The following IFT80 variants were observed in gnomAD, a reference collection of about 807,000 sequenced individuals.
IFT80 encodes the protein intraflagellar transport protein 80 homolog.
IFT80 carries 79 observed loss-of-function variants against 107.9 expected under a neutral mutation model. The ratio of observed to expected loss-of-function variants is 0.73; its 90% CI spans 0.61 to 0.88. The LOEUF is 0.88. IFT80 is among the 40% of genes least tolerant of loss of function. IFT80 has a pLI of 0.00. For missense variants in IFT80, 797 were observed against 914.2 expected (o/e 0.87, Z 1.65); for synonymous variants, 299 against 300.9 (o/e 0.99, Z 0.07).
At chr3:160,364,663 T>A (rs1310424279) in intron 6 of IFT80, among the ~76,000 whole-genome samples, 1 of 152,174 alleles carries the variant, frequency 6.6e-6, no homozygotes, top group Non-Finnish European at 1.5e-5. Flanking sequence ...CATGGAATAC[T>A]ATGCAGCCAT....
chr3:160,290,015 A>G (rs988393106), intron 12 of IFT80, among the ~76,000 whole-genome samples: 1 of 152,148 alleles, frequency 6.6e-6, no homozygotes, highest in African/African-American at 2.4e-5. Context: ...TGAAAACTGG[A>G]GAGTTTGAAC....
Position 160,290,558 on chromosome 3 carries a change from GTTTT to G in IFT80, c.1316-4694_1316-4691del, listed in dbSNP as rs575242050. On this transcript the variant is annotated intron_variant, in intron 12 of 19. Transcript: ENST00000326448. Reference sequence around the variant, plus strand: ...TCGTATATTTAAAACAAGCTTTGGTGTTTTTTGTTTGTTTGTTTTTGTTTTGTTT... The same window carrying G: ...TCGTATATTTAAAACAAGCTTTGGTGTTGTTTGTTTGTTTTTGTTTTGTTT... 4.5e-3 allele frequency among the ~76,000 whole-genome samples: 683 copies of G among 152,052 alleles called. 2 individuals are homozygous for G. Among genetic ancestry groups the G allele is most frequent in the Non-Finnish European group, 8.3e-3 (564 of 67,950 alleles).
At chr3:160,357,625 T>G (rs757214493) in intron 6 of IFT80, 47 bp from the exon 7 acceptor site, 3 of 1,282,664 alleles carry the variant, frequency 2.3e-6, no homozygotes, top group Non-Finnish European at 3.4e-6. Flanking sequence ...TAAAAGCACT[T>G]AAGTTTTTTT....
chr3:160,290,383 G>A (rs1715452350), intron 12 of IFT80, among the ~76,000 whole-genome samples: 1 of 149,862 alleles, frequency 6.7e-6, no homozygotes, highest in African/African-American at 2.5e-5. Context: ...ACTCCGGCCT[G>A]GGCAACAGCG....
intron 8 of IFT80, among the ~76,000 whole-genome samples, chr3:160,328,827 C>T (rs1230680831): frequency 1.3e-5 from 2 of 152,072 alleles, no homozygotes; most frequent in African/African-American, 4.8e-5. Context: ...GAGATCATGT[C>T]CTTCTCAGGG....
chr3:160,306,988 C>A (rs544087220), intron 10 of IFT80, among the ~76,000 whole-genome samples: 8 of 152,142 alleles, frequency 5.3e-5, no homozygotes, highest in African/African-American at 1.7e-4. Context: ...AATATAAGGA[C>A]AAAATTTTTA....
intron 12 of IFT80, 42 bp from the exon 13 acceptor site, chr3:160,285,910 AT>A: frequency 1.5e-6 from 2 of 1,370,238 alleles, no homozygotes; most frequent in Non-Finnish European, 2.1e-6. Flanking sequence ...TTATATTAGA[AT>A]TTTTACTGGT....
chr3:160,341,342 TTA>T (rs199729149), intron 8 of IFT80, among the ~76,000 whole-genome samples: 5,233 of 105,026 alleles, frequency 0.05, 312 homozygotes, highest in African/African-American at 0.17. Context: ...TTAACAATGA[TTA>T]AAAAAAAAAA....
intron 1 of IFT80, among the ~76,000 whole-genome samples, chr3:160,394,604 C>T (rs1367621678): frequency 5.9e-5 from 9 of 152,078 alleles, no homozygotes; most frequent in Admixed American, 5.9e-4. Context: ...TGAAAATTAG[C>T]TGGGCGTGGT....
intron 1 of IFT80, among the ~76,000 whole-genome samples, chr3:160,397,803 C>T (rs1713927462): frequency 1.3e-5 from 2 of 148,468 alleles, no homozygotes; most frequent in South Asian, 4.3e-4. Context: ...CTCACCGCAA[C>T]CTCCGCCTCC....
intron 3 of IFT80, among the ~76,000 whole-genome samples, chr3:160,378,281 T>G (rs1282472701): frequency 1.3e-5 from 2 of 151,808 alleles, no homozygotes; most frequent in East Asian, 3.9e-4. Context: ...TGTGCTTAAA[T>G]GGAAGACTTT....
At chr3:160,384,327 TAAGTA>T (rs1404411335) in intron 2 of IFT80, 7 of 1,060,472 alleles carry the variant, frequency 6.6e-6, no homozygotes, top group East Asian at 5.2e-5. Context: ...GTATAGTACT[TAAGTA>T]GAGTAAGAAA....
At chr3:160,280,527 C>T in intron 15 of IFT80, 140 bp downstream of exon 15, 3 of 698,858 alleles carry the variant, frequency 4.3e-6, no homozygotes, top group Non-Finnish European at 7.4e-6. Context: ...CTCAAGCTAG[C>T]TTTAGCCGAA....
In IFT80 at chr3:160,285,814, A is replaced by C. The variant is rs759880794; in HGVS notation, c.1370T>G (p.Leu457Arg). 6.2e-7 allele frequency: 1 copy of C among 1,608,566 alleles called. No homozygotes were observed. Among genetic ancestry groups the C allele is most frequent in the South Asian group, 1.1e-5 (1 of 90,734 alleles). Residue 457 changes from leucine to arginine, a missense_variant, in exon 13 of 20, where the codon CTT becomes CGT. Leu to Arg is a moderately radical substitution (Grantham distance 102). Coordinates refer to ENST00000326448, the MANE Select transcript of IFT80 (RefSeq NM_020800.3). ...GTTAATGTCCATTACCTTATGAGAAAGAAACTTTCCATCACCTAACGGCTT... is the reference window on the plus strand; with the variant it reads ...GTTAATGTCCATTACCTTATGAGAACGAAACTTTCCATCACCTAACGGCTT... The part of the protein sequence containing the change: ...TGKPLGDGKF[L>R]SHKNEILEIA...
intron 6 of IFT80, among the ~76,000 whole-genome samples, chr3:160,357,913 C>T (rs1222159527): frequency 6.6e-6 from 1 of 152,152 alleles, no homozygotes; most frequent in Non-Finnish European, 1.5e-5. Flanking sequence ...TTATGTATTC[C>T]AAAAATGTCA....
intron 3 of IFT80, chr3:160,377,759 T>C: frequency 8.4e-6 from 3 of 358,452 alleles, no homozygotes; most frequent in Non-Finnish European, 1.0e-5. Flanking sequence ...TGGTTCAAAA[T>C]AATTATACAT....
intron 6 of IFT80, among the ~76,000 whole-genome samples, chr3:160,361,558 A>G (rs1235725323): frequency 5.9e-5 from 9 of 152,186 alleles, no homozygotes; most frequent in African/African-American, 2.2e-4. Flanking sequence ...TCCACCCCAA[A>G]TCAACAGAAT....
chr3:160,341,083 T>C (rs969908237), intron 8 of IFT80, among the ~76,000 whole-genome samples: 1 of 152,050 alleles, frequency 6.6e-6, no homozygotes, highest in Non-Finnish European at 1.5e-5. Flanking sequence ...GGCACAATCA[T>C]GGCTTACTGC....
intron 12 of IFT80, chr3:160,299,060 C>A: frequency 2.1e-6 from 2 of 941,294 alleles, no homozygotes; most frequent in Non-Finnish European, 2.5e-6. Context: ...ATAAGGAAAG[C>A]ATAGACAACT....
Sources: allele counts gnomAD v4.1 joint callset (sites outside exome capture counted in the v4.1 genomes callset), GRCh38; gene constraint gnomAD v4.1.1; transcripts MANE v1.5; gene names NCBI Gene and HGNC (gene_info 2026-07-23, HGNC 2026-07-21).